LPP: variants seen among roughly 807,000 people sequenced by gnomAD.
The protein encoded by LPP is lipoma-preferred partner.
A neutral mutation model predicts 60.4 loss-of-function variants in LPP; 38 were observed. The ratio of observed to expected loss-of-function variants is 0.63; its 90% CI spans 0.49 to 0.83. The LOEUF (loss-of-function observed/expected upper bound fraction) is 0.83. LPP is among the 40% of genes least tolerant of loss of function. The pLI is 0.00. For synonymous variants in LPP, 328 were observed against 290.8 expected, an observed-to-expected ratio of 1.13 and a Z score of -1.30; for missense variants, 902 against 783.6, an observed-to-expected ratio of 1.15 and a Z score of -1.80.
intron 2 of LPP, among the ~76,000 whole-genome samples, chr3:188,261,637 G>T (rs530948634): frequency 6.6e-6 from 1 of 152,122 alleles, no homozygotes; most frequent in Non-Finnish European, 1.5e-5. Context: ...ACCGGACATG[G>T]TGGCTCATGC....
chr3:188,466,105 G>T (rs1800307041), intron 4 of LPP, among the ~76,000 whole-genome samples: 1 of 152,110 alleles, frequency 6.6e-6, no homozygotes. Flanking sequence ...CTACTCATTT[G>T]TCATATGGAA....
intron 2 of LPP, among the ~76,000 whole-genome samples, chr3:188,293,414 T>C (rs1326729736): frequency 6.6e-6 from 1 of 152,256 alleles, no homozygotes; most frequent in Non-Finnish European, 1.5e-5. Context: ...ACTTACCATC[T>C]TGATGAGTTT....
chr3:188,330,431 A>G (rs1347316231), intron 2 of LPP, among the ~76,000 whole-genome samples: 2 of 152,098 alleles, frequency 1.3e-5, no homozygotes, highest in Non-Finnish European at 2.9e-5. Flanking sequence ...GTTCTCATTC[A>G]CCGTTCAGTT....
At chr3:188,298,177 C>A (rs1266499345) in intron 2 of LPP, among the ~76,000 whole-genome samples, 3 of 152,188 alleles carry the variant, frequency 2.0e-5, no homozygotes, top group Non-Finnish European at 2.9e-5. Flanking sequence ...TGGTAGCAAG[C>A]CCAATGAGCT....
At position 188,484,177 on chromosome 3, in the gene LPP, A is replaced by G. The variant is rs113042489; in HGVS notation, c.194-415A>G. On this transcript the variant is annotated intron_variant, in intron 4 of 11. Transcript: ENST00000617246. ...TTCCATGATCCTCCACTTTATCTTA[A>G]TTTCCAGAGGTTATTCATGCATCTT... is the stretch of plus-strand genomic sequence containing the variant. Among the ~76,000 whole-genome samples, 61 of 152,154 alleles carry G rather than the reference A, an allele frequency of 4.0e-4. 1 individual carries two copies. Among genetic ancestry groups the G allele is most frequent in the African/African-American group, 1.4e-3 (60 of 41,516 alleles).
At chr3:188,843,307 C>T (rs1235725262) in intron 9 of LPP, among the ~76,000 whole-genome samples, 1 of 152,064 alleles carries the variant, frequency 6.6e-6, no homozygotes, top group East Asian at 1.9e-4. Flanking sequence ...TTTCTACTAG[C>T]GTCATGTGAA....
At chr3:188,510,782 C>T (rs953219066) in intron 5 of LPP, among the ~76,000 whole-genome samples, 9 of 152,210 alleles carry the variant, frequency 5.9e-5, no homozygotes, top group South Asian at 2.1e-4. Context: ...TCTTTATGCT[C>T]ATGTTGTAAA....
chr3:188,243,163 C>A (rs1406593223), intron 2 of LPP, among the ~76,000 whole-genome samples: 1 of 152,148 alleles, frequency 6.6e-6, no homozygotes, highest in Non-Finnish European at 1.5e-5. Flanking sequence ...ACAGTGACAG[C>A]TGACACAACC....
At chr3:188,218,446 A>G (rs1353993026) in intron 1 of LPP, among the ~76,000 whole-genome samples, 1 of 152,214 alleles carries the variant, frequency 6.6e-6, no homozygotes, top group South Asian at 2.1e-4. Context: ...ATCTTATACT[A>G]TAATCAGCCT....
chr3:188,388,795 C>T (rs568684173), intron 3 of LPP, among the ~76,000 whole-genome samples: 50 of 152,248 alleles, frequency 3.3e-4, no homozygotes, highest in African/African-American at 1.1e-3. Flanking sequence ...TAAGTTTACA[C>T]CTGAGGTCCT....
chr3:188,313,465 C>A (rs1021922517), intron 2 of LPP, among the ~76,000 whole-genome samples: 4 of 151,904 alleles, frequency 2.6e-5, no homozygotes, highest in African/African-American at 9.7e-5. Flanking sequence ...CATGGTGAAA[C>A]CCTATCTACT....
intron 7 of LPP, among the ~76,000 whole-genome samples, chr3:188,654,020 A>G (rs1045824097): frequency 1.3e-5 from 2 of 152,222 alleles, no homozygotes; most frequent in Admixed American, 1.3e-4. Context: ...CTTAGTGAAC[A>G]AATTTTCTTG....
chr3:188,823,305 T>A (rs1754502880), intron 9 of LPP, among the ~76,000 whole-genome samples: 1 of 152,142 alleles, frequency 6.6e-6, no homozygotes, highest in Non-Finnish European at 1.5e-5. Context: ...GCTTGAGAGG[T>A]TCATATGGCT....
intron 6 of LPP, among the ~76,000 whole-genome samples, chr3:188,535,401 C>A (rs900070858): frequency 1.3e-5 from 2 of 152,228 alleles, no homozygotes; most frequent in East Asian, 3.9e-4. Context: ...GCAAGGTTAT[C>A]ATTTGTTTTC....
At chr3:188,475,654 G>A (rs1419425688) in intron 4 of LPP, among the ~76,000 whole-genome samples, 1 of 152,184 alleles carries the variant, frequency 6.6e-6, no homozygotes, top group Non-Finnish European at 1.5e-5. Context: ...TATAATCCCA[G>A]CACTTTGGGA....
At chr3:188,678,350 A>G (rs924870039) in intron 7 of LPP, among the ~76,000 whole-genome samples, 2 of 152,244 alleles carry the variant, frequency 1.3e-5, no homozygotes, top group Admixed American at 1.3e-4. Flanking sequence ...CTATAGGTTA[A>G]GCATTTTGTT....
At chr3:188,471,265 G>A (rs914873195) in intron 4 of LPP, among the ~76,000 whole-genome samples, 1 of 152,030 alleles carries the variant, frequency 6.6e-6, no homozygotes, top group African/African-American at 2.4e-5. Flanking sequence ...CTCCAACTTG[G>A]TCCTTTTTTC....
chr3:188,396,909 C>G (rs371363440), intron 3 of LPP, among the ~76,000 whole-genome samples: 4 of 152,182 alleles, frequency 2.6e-5, no homozygotes, highest in Non-Finnish European at 4.4e-5. Flanking sequence ...TGAAGGTCAT[C>G]ATTAGTTGCT....
rs1769888023 is a variant in LPP, at chr3:188,880,888, T to C, written c.*6409T>C. The C allele has an allele frequency of 1.2e-5, 2 of 172,688 alleles. No individual in the cohort carries two copies. Among genetic ancestry groups the C allele is most frequent in the Admixed American group, 1.3e-4 (2 of 15,660 alleles). 10.7% of individuals were successfully genotyped at this position (172,688 alleles called of 1,614,324 possible). ...TCCCAAATAAAATAGAATCATGCTT[T>C]GGGAGGCCAAGGCGGGCCGATCACG... is the stretch of plus-strand genomic sequence containing the variant. On this transcript the variant is annotated 3_prime_UTR_variant, in exon 12 of 12. Transcript: ENST00000617246.
Sources: allele counts gnomAD v4.1 joint callset (sites outside exome capture counted in the v4.1 genomes callset), GRCh38; gene constraint gnomAD v4.1.1; transcripts MANE v1.5; gene names NCBI Gene and HGNC (gene_info 2026-07-23, HGNC 2026-07-21).